Variants in PLCB4 observed in about 807,000 individuals in gnomAD.
The protein encoded by PLCB4 is 1-phosphatidylinositol 4,5-bisphosphate phosphodiesterase beta-4.
Under a neutral mutation model 178.8 loss-of-function variants are expected in PLCB4, and 77 were observed. That is an observed-to-expected ratio of 0.43 (90% CI 0.36 to 0.52). The LOEUF (loss-of-function observed/expected upper bound fraction) is 0.52, where lower values mean the gene tolerates loss of function less well. Among genes scored for constraint, PLCB4 ranks in the 20% least tolerant of loss-of-function variants. The pLI is 0.00. For missense variants in PLCB4, 1,024 were observed against 1,453.4 expected (o/e 0.70, Z 4.80); for synonymous variants, 496 against 490.8 (o/e 1.01, Z -0.14).
At chr20:9,146,145 T>C (rs898407817) in intron 2 of PLCB4, among the ~76,000 whole-genome samples, 1 of 152,182 alleles carries the variant, frequency 6.6e-6, no homozygotes, top group Non-Finnish European at 1.5e-5. Flanking sequence ...GTAAACAGAG[T>C]TTAGAGTTTC....
intron 3 of PLCB4, among the ~76,000 whole-genome samples, chr20:9,244,249 A>G (rs1365963265): frequency 6.6e-6 from 1 of 152,180 alleles, no homozygotes; most frequent in Non-Finnish European, 1.5e-5. Flanking sequence ...TTCATTTCCC[A>G]TTGCATGTTG....
intron 19 of PLCB4, among the ~76,000 whole-genome samples, chr20:9,397,971 C>G: frequency 6.6e-6 from 1 of 152,108 alleles, no homozygotes; most frequent in Non-Finnish European, 1.5e-5. Flanking sequence ...TGGGTTATCC[C>G]GGACGGCTTA....
At chr20:9,171,038 T>C (rs1600871675) in intron 2 of PLCB4, among the ~76,000 whole-genome samples, 1 of 152,190 alleles carries the variant, frequency 6.6e-6, no homozygotes, top group Non-Finnish European at 1.5e-5. Flanking sequence ...TTTGCTCCTT[T>C]TCACAAATCA....
intron 2 of PLCB4, among the ~76,000 whole-genome samples, chr20:9,191,230 C>G (rs774123561): frequency 1.3e-5 from 2 of 151,158 alleles, no homozygotes; most frequent in Non-Finnish European, 2.9e-5. Flanking sequence ...GTCCAAAATT[C>G]ATACATTGGA....
At chr20:9,238,109 C>T (rs543461984) in intron 3 of PLCB4, among the ~76,000 whole-genome samples, 14 of 152,206 alleles carry the variant, frequency 9.2e-5, no homozygotes, top group African/African-American at 2.6e-4. Flanking sequence ...TGGAGTTTTC[C>T]AGAGCAGCTG....
At chr20:9,275,240 G>A (rs1469799880) in intron 3 of PLCB4, among the ~76,000 whole-genome samples, 2 of 151,974 alleles carry the variant, frequency 1.3e-5, no homozygotes, top group Non-Finnish European at 2.9e-5. Context: ...GAATGAGGAA[G>A]CAAAAGCATA....
At chr20:9,130,928 A>G (rs1435385561) in intron 2 of PLCB4, among the ~76,000 whole-genome samples, 2 of 152,182 alleles carry the variant, frequency 1.3e-5, no homozygotes, top group Non-Finnish European at 2.9e-5. Flanking sequence ...TCTTTGTGAA[A>G]GGAATCGGAG....
chr20:9,362,837 C>T, intron 7 of PLCB4, 59 bp from the exon 8 acceptor site: 1 of 1,018,586 alleles, frequency 9.8e-7, no homozygotes, highest in Non-Finnish European at 1.5e-6. Flanking sequence ...CTAATAAAAA[C>T]TGCTCTATTT....
chr20:9,075,673 G>GC (rs1332480092), intron 1 of PLCB4, among the ~76,000 whole-genome samples: 1 of 152,202 alleles, frequency 6.6e-6, no homozygotes, highest in Non-Finnish European at 1.5e-5. Flanking sequence ...GCCCAATTGT[G>GC]CCCCTTCCCA....
chr20:9,203,040 T>TAAAAAAAA (rs58109957), intron 2 of PLCB4, among the ~76,000 whole-genome samples: 1 of 111,532 alleles, frequency 9.0e-6, no homozygotes, highest in African/African-American at 3.6e-5. Context: ...TTGTCTTTGG[T>TAAAAAAAA]AAAAAAAAAA....
intron 3 of PLCB4, among the ~76,000 whole-genome samples, chr20:9,242,776 T>A (rs2094079431): frequency 6.6e-6 from 1 of 152,140 alleles, no homozygotes; most frequent in African/African-American, 2.4e-5. Context: ...CCTGACAACT[T>A]GTTAGAAATG....
At chr20:9,242,447 C>A (rs953605272) in intron 3 of PLCB4, among the ~76,000 whole-genome samples, 1 of 152,208 alleles carries the variant, frequency 6.6e-6, no homozygotes, top group Admixed American at 6.5e-5. Context: ...TCCTTTGTCC[C>A]TTGACAAGCT....
intron 28 of PLCB4, among the ~76,000 whole-genome samples, chr20:9,426,122 GT>G (rs1012820139): frequency 6.7e-6 from 1 of 148,524 alleles, no homozygotes; most frequent in South Asian, 2.1e-4. Context: ...AAAAAAAAAT[GT>G]TTTTTTTCCC....
chr20:9,161,098 A>G (rs1159855186), intron 2 of PLCB4, among the ~76,000 whole-genome samples: 1 of 152,214 alleles, frequency 6.6e-6, no homozygotes, highest in Non-Finnish European at 1.5e-5. Flanking sequence ...TATTTGAGAT[A>G]TGTAAAAGTT....
intron 2 of PLCB4, among the ~76,000 whole-genome samples, chr20:9,167,683 T>A (rs2092995192): frequency 6.6e-6 from 1 of 152,232 alleles, no homozygotes; most frequent in Non-Finnish European, 1.5e-5. Flanking sequence ...TTTTTTCATA[T>A]AATATGCACA....
chr20:9,345,021 AAAAAAC>A (rs1289256854), intron 7 of PLCB4, among the ~76,000 whole-genome samples: 1 of 152,172 alleles, frequency 6.6e-6, no homozygotes, highest in Non-Finnish European at 1.5e-5. Flanking sequence ...GCCTACTAAA[AAAAAAC>A]AAAAACAAAA....
intron 2 of PLCB4, among the ~76,000 whole-genome samples, chr20:9,199,432 C>T (rs546041532): frequency 7.9e-5 from 12 of 152,132 alleles, no homozygotes; most frequent in African/African-American, 2.4e-5. Context: ...AAGGACGGTA[C>T]GTTGAGTATT....
chr20:9,189,522 G>A (rs1297584648), intron 2 of PLCB4, among the ~76,000 whole-genome samples: 1 of 152,086 alleles, frequency 6.6e-6, no homozygotes, highest in East Asian at 1.9e-4. Context: ...CATTGTGGAG[G>A]GCTGTCATAT....
chr20:9,362,943 C>T lies in PLCB4; in HGVS notation c.417C>T (p.Asn139=). Residue 139 remains asparagine, a synonymous_variant, in exon 8 of 40, where the codon AAC becomes AAT. Coordinates refer to ENST00000378473, the MANE Select transcript of PLCB4 (RefSeq NM_001377142.1). ...CAATCATACACAACTTCAGGGCCAA[C>T]AACGTCAGTCCAATGACATGCCTCA... ...LRSIIHNFRA[N]NVSPMTCLKK... is the part of the protein sequence containing the mutation. 1 of 1,612,626 alleles carries T rather than the reference C, an allele frequency of 6.2e-7. No individual in the cohort carries two copies.
Sources: gnomAD v4.1 joint callset for allele counts (sites outside exome capture counted in the v4.1 genomes callset) on GRCh38, gnomAD v4.1.1 for gene constraint, MANE v1.5 for transcripts, NCBI Gene and HGNC (gene_info 2026-07-23, HGNC 2026-07-21) for gene names.